SGCG: variants seen among roughly 807,000 people sequenced by gnomAD.
SGCG encodes sarcoglycan gamma, also known as gamma-sarcoglycan.
SGCG carries 26 observed loss-of-function variants against 29.3 expected under a neutral mutation model. The ratio of observed to expected loss-of-function variants is 0.89; its 90% CI spans 0.65 to 1.23. The LOEUF is 1.23. SGCG is among the 50% of genes most tolerant of loss of function. SGCG has a pLI of 0.00. For synonymous variants in SGCG, 145 were observed against 129.7 expected (o/e 1.12, Z -0.80); for missense variants, 353 against 356.0 (o/e 0.99, Z 0.07).
chr13:23,177,570 T>C (rs1876599258), upstream of SGCG, among the ~76,000 whole-genome samples: 6 of 69,082 alleles, frequency 8.7e-5, 1 homozygote, highest in Non-Finnish European at 1.9e-4. Flanking sequence ...TGAGCAGGCT[T>C]TTTTTTTTTT....
chr13:23,164,343 G>A, the SGCG span, among the ~76,000 whole-genome samples: 1 of 152,154 alleles, frequency 6.6e-6, no homozygotes, highest in Non-Finnish European at 1.5e-5. Context: ...TGTTTATTGT[G>A]TTGATGGAAC....
At position 23,250,699 on chromosome 13, in the gene SGCG, A is replaced by G; in HGVS notation, c.367A>G (p.Thr123Ala). The G allele has an allele frequency of 6.2e-7, 1 of 1,611,186 alleles. No homozygotes were observed. The highest frequency in any genetic ancestry group is 8.5e-7 in the Non-Finnish European group (1 of 1,177,330). ...TGCGCGCAACTCAGAAGGGGAGGTC[A>G]CAGGCAGGTTAAAAGTCGGTGAGTC... The part of the protein sequence containing the change: ...VNARNSEGEV[T>A]GRLKVGPKMV... Residue 123 changes from threonine to alanine, a missense_variant, in exon 4 of 8, where the codon ACA (threonine) becomes GCA (alanine). Coordinates refer to ENST00000218867, the MANE Select transcript of SGCG (RefSeq NM_000231.3).
chr13:23,216,569 A>G (rs1208007596), intron 2 of SGCG, among the ~76,000 whole-genome samples: 1 of 152,176 alleles, frequency 6.6e-6, no homozygotes, highest in Non-Finnish European at 1.5e-5. Context: ...TTAATGGACC[A>G]TGATATTCCC....
At chr13:23,247,078 GC>G (rs1271939441) in intron 3 of SGCG, 3 of 169,234 alleles carry the variant, frequency 1.8e-5, no homozygotes, top group African/African-American at 4.7e-5. Flanking sequence ...GCCCACCCAG[GC>G]CTGGCCCTGC....
upstream of SGCG, among the ~76,000 whole-genome samples, chr13:23,180,232 T>C (rs898151630): frequency 1.3e-5 from 2 of 152,238 alleles, no homozygotes; most frequent in African/African-American, 4.8e-5. Flanking sequence ...AGAAGTTCGA[T>C]ATTTATTCTG....
chr13:23,256,213 C>A (rs1880169827), intron 4 of SGCG, among the ~76,000 whole-genome samples: 1 of 152,052 alleles, frequency 6.6e-6, no homozygotes, highest in African/African-American at 2.4e-5. Context: ...AGAAATAATT[C>A]TGGCCATATG....
At chr13:23,207,558 CTATA>C (rs530644936) in intron 2 of SGCG, among the ~76,000 whole-genome samples, 3 of 152,138 alleles carry the variant, frequency 2.0e-5, no homozygotes, top group Non-Finnish European at 4.4e-5. Flanking sequence ...TATTTGCAAA[CTATA>C]TAACTGATAA....
chr13:23,200,470 A>G (rs1382604570), intron 1 of SGCG, among the ~76,000 whole-genome samples: 1 of 152,164 alleles, frequency 6.6e-6, no homozygotes, highest in African/African-American at 2.4e-5. Context: ...TCCTTTCAAC[A>G]TTTGTATGTA....
At chr13:23,309,277 TG>T (rs1010496080) in intron 6 of SGCG, among the ~76,000 whole-genome samples, 1 of 152,042 alleles carries the variant, frequency 6.6e-6, no homozygotes, top group African/African-American at 2.4e-5. Flanking sequence ...AAGAGGAAGA[TG>T]GGGTCTTGTT....
At chr13:23,238,270 C>T (rs776882028) in intron 3 of SGCG, among the ~76,000 whole-genome samples, 6 of 152,120 alleles carry the variant, frequency 3.9e-5, no homozygotes, top group South Asian at 2.1e-4. Flanking sequence ...GTTTGCAAGG[C>T]GGAGTACTGC....
rs186010480 is a variant in SGCG at position 23,312,849 on chromosome 13, G to C, written c.579-7788G>C. ...AAAAAAATGGTGTCTCCAAAAACATGTATTAGGTAATACTAGGAAATTTTT... is the reference window on the plus strand; with the variant it reads ...AAAAAAATGGTGTCTCCAAAAACATCTATTAGGTAATACTAGGAAATTTTT... On this transcript the variant is annotated intron_variant, in intron 6 of 7. Coordinates refer to ENST00000218867, the MANE Select transcript of SGCG (RefSeq NM_000231.3). 1.5e-4 allele frequency among the ~76,000 whole-genome samples: 23 copies of C among 151,886 alleles called. No homozygotes were observed. In the East Asian group the frequency reaches 4.5e-3, roughly 29 times the overall value.
At chr13:23,219,928 T>C (rs1878592436) in intron 2 of SGCG, among the ~76,000 whole-genome samples, 1 of 150,220 alleles carries the variant, frequency 6.7e-6, no homozygotes, top group South Asian at 2.1e-4. Context: ...CTCCGCCTTC[T>C]GGGTTCACGC....
At chr13:23,171,338 T>A in the SGCG span, among the ~76,000 whole-genome samples, 1 of 152,188 alleles carries the variant, frequency 6.6e-6, no homozygotes, top group South Asian at 2.1e-4. Flanking sequence ...TAGGAGAACA[T>A]TGACCATTGA....
At chr13:23,194,502 C>G (rs1233467848) in intron 1 of SGCG, among the ~76,000 whole-genome samples, 2 of 152,194 alleles carry the variant, frequency 1.3e-5, no homozygotes, top group Admixed American at 6.5e-5. Flanking sequence ...CCTCTTCTTT[C>G]ATTCTTCCTG....
intron 1 of SGCG, among the ~76,000 whole-genome samples, chr13:23,191,019 T>C (rs3829355): frequency 0.61 from 92,601 of 151,926 alleles, 29,230 homozygotes; most frequent in African/African-American, 0.79. Context: ...TTTGCAAATA[T>C]TTTCTGGATA....
At chr13:23,217,047 TG>T (rs11300027) in intron 2 of SGCG, among the ~76,000 whole-genome samples, 55,512 of 151,782 alleles carry the variant, frequency 0.37, 10,557 homozygotes, top group East Asian at 0.47. Flanking sequence ...TGTTAGAATG[TG>T]GGAAGTACCA....
intron 2 of SGCG, among the ~76,000 whole-genome samples, chr13:23,230,501 C>T (rs1267862400): frequency 6.6e-6 from 1 of 152,156 alleles, no homozygotes; most frequent in Non-Finnish European, 1.5e-5. Flanking sequence ...TCTTTCACCC[C>T]TTGGTTAGCT....
At chr13:23,165,745 T>C in the SGCG span, among the ~76,000 whole-genome samples, 1 of 152,160 alleles carries the variant, frequency 6.6e-6, no homozygotes, top group Non-Finnish European at 1.5e-5. Flanking sequence ...CAGGGTGGTC[T>C]CGAACTCCTG....
intron 4 of SGCG, among the ~76,000 whole-genome samples, chr13:23,253,182 G>A (rs1880044546): frequency 6.6e-6 from 1 of 152,042 alleles, no homozygotes. Flanking sequence ...AGGAGTTCAG[G>A]GCTTCAGTGA....
Sources: allele counts gnomAD v4.1 joint callset (sites outside exome capture counted in the v4.1 genomes callset), GRCh38; gene constraint gnomAD v4.1.1; transcripts MANE v1.5; gene names NCBI Gene and HGNC (gene_info 2026-07-23, HGNC 2026-07-21).